The following PHAX variants were observed in gnomAD, a reference collection of about 807,000 sequenced individuals.
PHAX encodes phosphorylated adapter RNA export protein.
A neutral mutation model predicts 41.6 loss-of-function variants in PHAX; 31 were observed. The observed-to-expected ratio is 0.75, with a 90% CI of 0.56 to 1.01. The LOEUF (loss-of-function observed/expected upper bound fraction) is 1.01. Ranked by LOEUF, PHAX falls within the 50% of genes least tolerant of loss-of-function variation. The pLI is 0.00. For synonymous variants in PHAX, 175 were observed against 164.9 expected (o/e 1.06, Z -0.47); for missense variants, 453 against 472.9 (o/e 0.96, Z 0.39).
chr5:126,618,951 C>T (rs536503716), intron 4 of PHAX, among the ~76,000 whole-genome samples: 3 of 152,002 alleles, frequency 2.0e-5, no homozygotes, highest in Admixed American at 6.6e-5. Context: ...CCACCACGCC[C>T]GGCCGGAGAC....
chr5:126,605,074 G>A (rs1751968611), intron 2 of PHAX, among the ~76,000 whole-genome samples: 1 of 151,784 alleles, frequency 6.6e-6, no homozygotes, highest in Non-Finnish European at 1.5e-5. Context: ...TGTTGCCCAG[G>A]CTGGTGTCAA....
At chr5:126,602,867 T>C (rs1411877637) in intron 1 of PHAX, among the ~76,000 whole-genome samples, 5 of 151,762 alleles carry the variant, frequency 3.3e-5, no homozygotes, top group Non-Finnish European at 7.4e-5. Flanking sequence ...TAGCTGGGCG[T>C]GGTGGCGGGC....
intron 3 of PHAX, among the ~76,000 whole-genome samples, chr5:126,615,202 T>C (rs941719993): frequency 8.5e-5 from 13 of 152,250 alleles, no homozygotes; most frequent in African/African-American, 2.6e-4. Flanking sequence ...TTCCAGTGAA[T>C]AGTTATATCA....
At chr5:126,605,539 G>A (rs1413826075) in intron 2 of PHAX, among the ~76,000 whole-genome samples, 2 of 150,356 alleles carry the variant, frequency 1.3e-5, no homozygotes, top group South Asian at 4.2e-4. Flanking sequence ...ATAGGCATTC[G>A]CCACCACACC....
chr5:126,606,983 C>T (rs1752000116), intron 2 of PHAX, among the ~76,000 whole-genome samples: 1 of 152,086 alleles, frequency 6.6e-6, no homozygotes, highest in Admixed American at 6.6e-5. Flanking sequence ...CAGGTAAATA[C>T]CCAGAAGTAG....
At chr5:126,601,762 G>T (rs915108955) in intron 1 of PHAX, among the ~76,000 whole-genome samples, 22 of 152,244 alleles carry the variant, frequency 1.4e-4, no homozygotes, top group Non-Finnish European at 2.9e-4. Context: ...CGCCTCCCGG[G>T]TTCAAGCGAT....
At position 126,603,736 on chromosome 5, in the gene PHAX, T is replaced by C. The variant is rs1336356639; in HGVS notation, c.263T>C (p.Phe88Ser). The C allele has an allele frequency of 2.5e-6, 4 of 1,614,018 alleles. No individual in the cohort carries two copies. Among genetic ancestry groups the C allele is most frequent in the Non-Finnish European group, 3.4e-6 (4 of 1,180,040 alleles). Reference sequence around the variant, plus strand: ...TGGAAACGCAAACGACAGAAATGTTTTAACCCTCCTCCCAAACCAGAGCCT... The same window carrying C: ...TGGAAACGCAAACGACAGAAATGTTCTAACCCTCCTCCCAAACCAGAGCCT... The part of the protein sequence containing the change: ...CLWKRKRQKC[F>S]NPPPKPEPFQ... Residue 88 changes from phenylalanine to serine, a missense_variant, in exon 2 of 5, where the codon TTT becomes TCT. Physicochemically the swap from Phe to Ser is radical, Grantham distance 155. Coordinates refer to ENST00000297540, the MANE Select transcript of PHAX (RefSeq NM_032177.4).
chr5:126,620,500 G>T (rs988349544), intron 4 of PHAX, among the ~76,000 whole-genome samples: 2 of 152,076 alleles, frequency 1.3e-5, no homozygotes, highest in African/African-American at 4.8e-5. Flanking sequence ...TACAAATGGA[G>T]AATAATCAAA....
At chr5:126,614,704 G>A (rs1278543352) in intron 3 of PHAX, among the ~76,000 whole-genome samples, 1 of 151,882 alleles carries the variant, frequency 6.6e-6, no homozygotes, top group East Asian at 1.9e-4. Context: ...AGAGTGTGTA[G>A]TGAGAGGCTA....
chr5:126,608,535 G>GTTTTTT (rs2112831325), intron 3 of PHAX, 51 bp downstream of exon 3: 1 of 1,446,368 alleles, frequency 6.9e-7, no homozygotes. Flanking sequence ...CTGTGTTTTT[G>GTTTTTT]TTTTTGATTA....
chr5:126,603,591 G>T lies in PHAX; in HGVS notation c.118G>T (p.Ala40Ser), dbSNP rs745741766. The change falls in exon 2 of 5, where the codon GCT becomes TCT. Residue 40 changes from alanine (A) to serine (S), a missense_variant. By Grantham distance (99) the Ala-to-Ser change is moderately conservative. Coordinates refer to ENST00000297540, the MANE Select transcript of PHAX (RefSeq NM_032177.4). Reference sequence around the variant, plus strand: ...GCAGAAAGTGCTAGGTGGCGACAGTGCTATGAGGGCCTTCCAGAACACGGC... The same window carrying T: ...GCAGAAAGTGCTAGGTGGCGACAGTTCTATGAGGGCCTTCCAGAACACGGC... ...QLPKVLGGDS[A>S]MRAFQNTATA... 1.9e-6 allele frequency: 3 copies of T among 1,612,920 alleles called. No homozygotes were observed. The highest frequency in any genetic ancestry group is 1.7e-4 in the Middle Eastern group (1 of 6,056).
intron 1 of PHAX, among the ~76,000 whole-genome samples, chr5:126,602,088 G>A (rs1468789397): frequency 6.6e-6 from 1 of 152,140 alleles, no homozygotes; most frequent in Non-Finnish European, 1.5e-5. Context: ...TGGGATTACA[G>A]GCGTGAGCCA....
At chr5:126,614,349 T>G (rs1752151985) in intron 3 of PHAX, among the ~76,000 whole-genome samples, 1 of 152,110 alleles carries the variant, frequency 6.6e-6, no homozygotes, top group African/African-American at 2.4e-5. Context: ...TCCACCCGTC[T>G]CGGCCTCCCA....
At chr5:126,612,014 A>AG (rs1752110547) in intron 3 of PHAX, among the ~76,000 whole-genome samples, 1 of 152,066 alleles carries the variant, frequency 6.6e-6, no homozygotes, top group African/African-American at 2.4e-5. Flanking sequence ...AAGGGTGCCC[A>AG]GCAAGGCCAG....
At chr5:126,618,427 C>T (rs1413887935) in intron 4 of PHAX, among the ~76,000 whole-genome samples, 1 of 151,896 alleles carries the variant, frequency 6.6e-6, no homozygotes, top group African/African-American at 2.4e-5. Flanking sequence ...ATGACAATAC[C>T]CTACATAACC....
Position 126,601,034 on chromosome 5 carries a change from C to T in PHAX, c.72C>T (p.Pro24=), listed in dbSNP as rs1477572056. ...CGGATTCCGACATGACGGTCGCACCCAGCGACAGGCCGCTGCAATTGCCAG... is the reference window on the plus strand; with the variant it reads ...CGGATTCCGACATGACGGTCGCACCTAGCGACAGGCCGCTGCAATTGCCAG... ...SDSDSDMTVA[P]SDRPLQLPKV... The change falls in exon 1 of 5, where the codon CCC becomes CCT. Residue 24 remains proline, a synonymous_variant. Transcript: ENST00000297540. 6.2e-7 allele frequency: 1 copy of T among 1,606,424 alleles called. No homozygotes were observed. The highest frequency in any genetic ancestry group is 8.5e-7 in the Non-Finnish European group (1 of 1,176,654).
intron 4 of PHAX, among the ~76,000 whole-genome samples, chr5:126,618,543 A>G (rs972677224): frequency 6.6e-6 from 1 of 152,056 alleles, no homozygotes; most frequent in Admixed American, 6.6e-5. Context: ...TATTTTATAT[A>G]CTTTCCCCCT....
At chr5:126,621,304 T>G (rs564762195) in intron 4 of PHAX, among the ~76,000 whole-genome samples, 2 of 152,256 alleles carry the variant, frequency 1.3e-5, no homozygotes, top group African/African-American at 4.8e-5. Context: ...CCCTCTTGCC[T>G]CAGCCTCCTT....
intron 3 of PHAX, among the ~76,000 whole-genome samples, chr5:126,608,925 G>A (rs62392460): frequency 0.24 from 34,935 of 147,088 alleles, 4,768 homozygotes; most frequent in East Asian, 0.37. Flanking sequence ...CAACAGGAGC[G>A]AAACTCCGTC....
Sources: gnomAD v4.1 joint callset for allele counts (sites outside exome capture counted in the v4.1 genomes callset) on GRCh38, gnomAD v4.1.1 for gene constraint, MANE v1.5 for transcripts, NCBI Gene and HGNC (gene_info 2026-07-23, HGNC 2026-07-21) for gene names.